BEND5: variants seen among roughly 807,000 people sequenced by gnomAD.
The protein encoded by BEND5 is BEN domain-containing protein 5.
A neutral mutation model predicts 43.9 loss-of-function variants in BEND5; 22 were observed. That is an observed-to-expected ratio of 0.50 (90% confidence interval 0.36 to 0.72). The LOEUF (loss-of-function observed/expected upper bound fraction) is 0.72. BEND5 is among the 30% of genes least tolerant of loss of function. The pLI, the probability that BEND5 is intolerant of heterozygous loss-of-function variation, is 0.00. For missense variants in BEND5, 428 were observed against 550.6 expected, an observed-to-expected ratio of 0.78 and a Z score of 2.23; for synonymous variants, 228 against 225.9, an observed-to-expected ratio of 1.01 and a Z score of -0.08.
intron 2 of BEND5, 27 bp from the exon 3 acceptor site, chr1:48,759,311 A>G (rs772557186): frequency 8.1e-5 from 125 of 1,542,648 alleles, no homozygotes; most frequent in Admixed American, 2.0e-5. Context: ...GAATCAGTTC[A>G]GGCAAGGGCA....
chr1:48,735,627 C>G (rs1205474878), intron 5 of BEND5, among the ~76,000 whole-genome samples: 1 of 152,066 alleles, frequency 6.6e-6, no homozygotes, highest in Non-Finnish European at 1.5e-5. Flanking sequence ...GACTCCCTGT[C>G]TCTTTGCCTG....
intron 1 of BEND5, among the ~76,000 whole-genome samples, chr1:48,773,788 C>T (rs1644947934): frequency 6.6e-6 from 1 of 152,138 alleles, no homozygotes; most frequent in Non-Finnish European, 1.5e-5. Flanking sequence ...CTCTGAGCTT[C>T]GGTGTCCTCA....
Position 48,776,548 on chromosome 1 carries a change from C to G in BEND5, c.226+58G>C, listed in dbSNP as rs987633746. 9 of 1,274,596 alleles carry G rather than the reference C, an allele frequency of 7.1e-6. No individual in the cohort carries two copies. The East Asian group carries it at 2.5e-4, about 35-fold the overall frequency. The allele number at this position is 1,274,596 out of a possible 1,614,324, so 79.0% of individuals were successfully genotyped here. A position where few individuals can be genotyped will look rare whatever the true frequency, so the allele number is the denominator to read the frequency against. On this transcript the variant is annotated intron_variant, in intron 1 of 5. Coordinates refer to ENST00000371833, the MANE Select transcript of BEND5 (RefSeq NM_024603.4). ...TCCCCTCCGCCCGGGCCCCCGGCCC[C>G]TCCCGGGGTCCCAGCCCCCGCCCGG...
chr1:48,775,841 T>C (rs1300733279), intron 1 of BEND5, among the ~76,000 whole-genome samples: 2 of 152,052 alleles, frequency 1.3e-5, no homozygotes, highest in East Asian at 3.9e-4. Flanking sequence ...GGATGAGAGG[T>C]CCAGTGTTAT....
chr1:48,728,078 T>C (rs759805408), intron 5 of BEND5, 35 bp from the exon 6 acceptor site: 3 of 1,538,526 alleles, frequency 1.9e-6, no homozygotes, highest in Non-Finnish European at 1.8e-6. Context: ...CAAGGATTAA[T>C]GGTGAATTCA....
At chr1:48,731,107 C>T (rs1456297243) in intron 5 of BEND5, among the ~76,000 whole-genome samples, 6 of 152,278 alleles carry the variant, frequency 3.9e-5, no homozygotes, top group South Asian at 2.1e-4. Context: ...AATGTGACTA[C>T]ATGTAACAAA....
chr1:48,736,821 C>A lies in BEND5; in HGVS notation c.895-369G>T, dbSNP rs1317305741. 6.6e-6 allele frequency among the ~76,000 whole-genome samples: 1 copy of A among 152,200 alleles called. No individual in the cohort carries two copies. Among genetic ancestry groups the A allele is most frequent in the African/African-American group, 2.4e-5 (1 of 41,442 alleles). Reference sequence around the variant, plus strand: ...ACACTATACTTAGTTTATCACAAGGCTGCTCAGAGCCTTACCAAATCTCAG... The same window carrying A: ...ACACTATACTTAGTTTATCACAAGGATGCTCAGAGCCTTACCAAATCTCAG... On this transcript the variant is annotated intron_variant, in intron 4 of 5. Transcript: ENST00000371833. This position sits in a 1 kb window ranked among gnomAD's most constrained non-coding sequence, Gnocchi z 4.0.
intron 3 of BEND5, among the ~76,000 whole-genome samples, chr1:48,756,684 C>T (rs1387657123): frequency 6.6e-6 from 1 of 152,148 alleles, no homozygotes; most frequent in African/African-American, 2.4e-5. Flanking sequence ...TTTATTCTTG[C>T]GGATTTGTCT....
At chr1:48,752,789 C>T (rs1474494305) in intron 3 of BEND5, among the ~76,000 whole-genome samples, 7 of 151,858 alleles carry the variant, frequency 4.6e-5, no homozygotes, top group South Asian at 2.1e-4. Flanking sequence ...CTCGCTCTGT[C>T]GCCAGGCTGG....
intron 5 of BEND5, among the ~76,000 whole-genome samples, chr1:48,733,205 T>C (rs1648436767): frequency 6.6e-6 from 1 of 151,996 alleles, no homozygotes; most frequent in African/African-American, 2.4e-5. Flanking sequence ...TTGTAAGAAA[T>C]GAGTGATCAA....
intron 1 of BEND5, among the ~76,000 whole-genome samples, chr1:48,765,190 C>G (rs1245295406): frequency 6.6e-6 from 1 of 152,206 alleles, no homozygotes; most frequent in Non-Finnish European, 1.5e-5. Flanking sequence ...TATCCACTGG[C>G]GTATGAGTAA....
At chr1:48,740,500 AT>A (rs1229389519) in intron 4 of BEND5, among the ~76,000 whole-genome samples, 1 of 152,224 alleles carries the variant, frequency 6.6e-6, no homozygotes, top group Admixed American at 6.5e-5. Context: ...AAGAAACACA[AT>A]GCACTTTACC....
intron 2 of BEND5, 144 bp from the exon 3 acceptor site, chr1:48,759,428 A>G: frequency 7.5e-7 from 1 of 1,339,212 alleles, no homozygotes; most frequent in Non-Finnish European, 9.8e-7. Context: ...ACTTAGTCAA[A>G]GCCCTTCATT....
At chr1:48,733,591 G>C (rs1448211535) in intron 5 of BEND5, among the ~76,000 whole-genome samples, 3 of 152,204 alleles carry the variant, frequency 2.0e-5, no homozygotes, top group Non-Finnish European at 4.4e-5. Context: ...GTTCCAGCTG[G>C]GGTTGGAGCT....
In BEND5 at chr1:48,727,933, A is replaced by T; in HGVS notation, c.1219T>A (p.Ser407Thr). ...TCCCTTCGTTCTTCATTTTTACAGG[A>T]TTTATTGATATCCATGATTTTTTCA... ...ICEKIMDINK[S>T]CKNEERREAK... Residue 407 changes from serine to threonine, a missense_variant, in exon 6 of 6, where the codon TCC becomes ACC. Physicochemically the swap from Ser to Thr is moderately conservative, Grantham distance 58 (BLOSUM62 1). Transcript: ENST00000371833. The T allele has an allele frequency of 6.2e-7, 1 of 1,611,710 alleles. No homozygotes were observed. Among genetic ancestry groups the T allele is most frequent in the Non-Finnish European group, 8.5e-7 (1 of 1,178,198 alleles).
At chr1:48,758,788 T>C in intron 3 of BEND5, 112 bp downstream of exon 3, 2 of 959,234 alleles carry the variant, frequency 2.1e-6, no homozygotes, top group Non-Finnish European at 3.0e-6. Context: ...GAGTCTGTCC[T>C]TCCCTAGCCT....
chr1:48,732,552 CTT>C (rs1258846141), intron 5 of BEND5, among the ~76,000 whole-genome samples: 2 of 150,806 alleles, frequency 1.3e-5, no homozygotes, highest in African/African-American at 5.0e-5. Flanking sequence ...GGAGAGGCTA[CTT>C]TAGACTGAGT....
chr1:48,748,617 G>C (rs572679407), intron 3 of BEND5, among the ~76,000 whole-genome samples: 13 of 152,294 alleles, frequency 8.5e-5, no homozygotes, highest in African/African-American at 2.9e-4. Flanking sequence ...TGTGACCCTA[G>C]GGTGGGGTAG....
In BEND5 at chr1:48,751,671, G is replaced by T. The variant is rs895290289; in HGVS notation, c.745+7229C>A. On this transcript the variant is annotated intron_variant, in intron 3 of 5. Transcript: ENST00000371833. ...CAAAAAAAACATAAGCTTGTCACAT[G>T]GCAATATGGAAGGCAAAACCCTGCT... is the stretch of plus-strand genomic sequence containing the variant. 2.0e-5 allele frequency among the ~76,000 whole-genome samples: 3 copies of T among 152,150 alleles called. No homozygotes were observed. The East Asian group carries it at 5.8e-4, about 29-fold the overall frequency.
Sources: allele counts gnomAD v4.1 joint callset (sites outside exome capture counted in the v4.1 genomes callset), GRCh38; gene constraint gnomAD v4.1.1; non-coding constraint Gnocchi (gnomAD v3.1); transcripts MANE v1.5; gene names NCBI Gene and HGNC (gene_info 2026-07-23, HGNC 2026-07-21).